ANKRD11: variants seen among roughly 807,000 people sequenced by gnomAD.
The protein encoded by ANKRD11 is ankyrin repeat domain 11.
Under a neutral mutation model 195.7 loss-of-function variants are expected in ANKRD11, and 17 were observed. The observed-to-expected ratio is 0.09, with a 90% CI of 0.06 to 0.13. The LOEUF is 0.13. ANKRD11 is among the 10% of genes least tolerant of loss of function. The pLI is 1.00. For missense variants in ANKRD11, 3,735 were observed against 3,566.1 expected (o/e 1.05, Z -1.21); for synonymous variants, 1,953 against 1,528.1 (o/e 1.28, Z -6.49).
intron 2 of ANKRD11, among the ~76,000 whole-genome samples, chr16:89,335,235 G>A (rs936010352): frequency 1.3e-5 from 2 of 152,102 alleles, no homozygotes; most frequent in South Asian, 2.1e-4. Context: ...GCTGGGAGAC[G>A]CGGGTGACAG....
chr16:89,375,292 T>G (rs889125542), intron 2 of ANKRD11, among the ~76,000 whole-genome samples: 1 of 152,130 alleles, frequency 6.6e-6, no homozygotes, highest in Non-Finnish European at 1.5e-5. Flanking sequence ...AGTAAACAAA[T>G]TATCTCAAGC....
At chr16:89,408,204 G>C (rs927191023) in intron 2 of ANKRD11, among the ~76,000 whole-genome samples, 2 of 152,198 alleles carry the variant, frequency 1.3e-5, no homozygotes, top group Non-Finnish European at 2.9e-5. Context: ...ACTCGGCCAA[G>C]AAACTCCCTG....
At chr16:89,370,824 C>G (rs2040160732) in intron 2 of ANKRD11, 1 of 152,634 alleles carries the variant, frequency 6.6e-6, no homozygotes, top group Non-Finnish European at 1.5e-5. Context: ...AGACGACCCC[C>G]AGGCCGGCTC....
Position 89,281,300 on chromosome 16 carries a change from C to G in ANKRD11, c.5242G>C (p.Val1748Leu). The G allele has an allele frequency of 1.2e-6, 2 of 1,614,128 alleles. No homozygotes were observed. Among genetic ancestry groups the G allele is most frequent in the South Asian group, 1.1e-5 (1 of 91,080 alleles). Reference protein sequence around the residue: ...DCADSQHSTPVPTAPTSACSP... With the variant: ...DCADSQHSTPLPTAPTSACSP... Reference sequence around the variant, plus strand: ...CAGGCGCTGGTGGGAGCGGTGGGCACGGGCGTGGAGTGCTGCGAGTCGGCG... The same window carrying G: ...CAGGCGCTGGTGGGAGCGGTGGGCAGGGGCGTGGAGTGCTGCGAGTCGGCG... Residue 1748 changes from valine to leucine, a missense_variant, in exon 9 of 13, where the codon GTG becomes CTG. Transcript: ENST00000301030. The surrounding 1 kb of genome is among the most constrained non-coding windows in gnomAD (Gnocchi z 5.5).
rs754695851 is a variant in ANKRD11, at chr16:89,281,259, G to A, written c.5283C>T (p.Phe1761=). Residue 1761 remains phenylalanine, a synonymous_variant, in exon 9 of 13, where the codon TTC becomes TTT. Coordinates refer to ENST00000301030, the MANE Select transcript of ANKRD11 (RefSeq NM_013275.6). The surrounding 1 kb of genome is among the most constrained non-coding windows in gnomAD (Gnocchi z 5.5). ...CACTTGAAGCCACGGAGAACCTGTC[G>A]AAAAAGGAGGGGGAGCAGGCGCTGG... ...APTSACSPSF[F]DRFSVASSGL... is the part of the protein sequence containing the mutation. 9.3e-6 allele frequency: 15 copies of A among 1,614,080 alleles called. No homozygotes were observed. Among genetic ancestry groups the A allele is most frequent in the East Asian group, 6.7e-5 (3 of 44,894 alleles).
At chr16:89,452,958 A>G (rs1427199286) in intron 1 of ANKRD11, among the ~76,000 whole-genome samples, 2 of 151,874 alleles carry the variant, frequency 1.3e-5, no homozygotes, top group Non-Finnish European at 2.9e-5. Flanking sequence ...CTTTTATTTT[A>G]TTTTCTAAAT....
chr16:89,449,013 C>G (rs1241332086), intron 1 of ANKRD11, among the ~76,000 whole-genome samples: 1 of 152,140 alleles, frequency 6.6e-6, no homozygotes, highest in African/African-American at 2.4e-5. Context: ...TTCTTTGCTA[C>G]TTCAAATCAC....
Position 89,281,262 on chromosome 16 carries a change from A to G in ANKRD11, c.5280T>C (p.Phe1760=). The change falls in exon 9 of 13, where the codon TTT becomes TTC. Residue 1760 remains phenylalanine (F), a synonymous_variant. Coordinates refer to ENST00000301030, the MANE Select transcript of ANKRD11 (RefSeq NM_013275.6). This position sits in a 1 kb window ranked among gnomAD's most constrained non-coding sequence, Gnocchi z 5.5. ...TTGAAGCCACGGAGAACCTGTCGAA[A>G]AAGGAGGGGGAGCAGGCGCTGGTGG... is the stretch of plus-strand genomic sequence containing the variant. ...TAPTSACSPS[F]FDRFSVASSG... is the part of the protein sequence containing the mutation. The G allele has an allele frequency of 1.2e-6, 2 of 1,614,134 alleles. No homozygotes were observed. The highest frequency in any genetic ancestry group is 1.7e-5 in the Admixed American group (1 of 60,028).
intron 1 of ANKRD11, among the ~76,000 whole-genome samples, chr16:89,472,554 C>T (rs754003250): frequency 1.5e-4 from 23 of 152,216 alleles, no homozygotes; most frequent in Non-Finnish European, 2.8e-4. Context: ...AGCTCTTGCT[C>T]TGTCCCCCAG....
chr16:89,408,187 T>C (rs1330254015), intron 2 of ANKRD11, among the ~76,000 whole-genome samples: 2 of 152,260 alleles, frequency 1.3e-5, no homozygotes, highest in Non-Finnish European at 1.5e-5. Flanking sequence ...ACTGGATGCA[T>C]ACAGATACTC....
chr16:89,394,629 CAA>C (rs36087767), intron 2 of ANKRD11, among the ~76,000 whole-genome samples: 28 of 140,244 alleles, frequency 2.0e-4, no homozygotes, highest in Non-Finnish European at 2.3e-4. Context: ...ACTCTGTCTC[CAA>C]AAAAAAAAAA....
chr16:89,484,773 A>C (rs2057549883), intron 1 of ANKRD11, among the ~76,000 whole-genome samples: 1 of 152,224 alleles, frequency 6.6e-6, no homozygotes, highest in Admixed American at 6.5e-5. Flanking sequence ...TACCATGACA[A>C]AAGAAATTTT....
chr16:89,295,377 A>G (rs1358776560), intron 4 of ANKRD11, among the ~76,000 whole-genome samples: 2 of 152,024 alleles, frequency 1.3e-5, no homozygotes, highest in African/African-American at 4.8e-5. Context: ...CACCCACCTC[A>G]TCTTTAAGAA....
chr16:89,484,407 C>A (rs772010264), intron 1 of ANKRD11, among the ~76,000 whole-genome samples: 2 of 152,178 alleles, frequency 1.3e-5, no homozygotes, highest in Non-Finnish European at 2.9e-5. Flanking sequence ...CAGAATTAAA[C>A]CAAAGTCTTC....
chr16:89,287,101 T>TC, intron 7 of ANKRD11: 1 of 1,289,808 alleles, frequency 7.8e-7, no homozygotes, highest in Non-Finnish European at 1.0e-6. Context: ...CTTCCTTTCC[T>TC]CCATCATGGG....
At chr16:89,271,421 G>A (rs2033144058) in intron 11 of ANKRD11, 1 of 228,652 alleles carries the variant, frequency 4.4e-6, no homozygotes, top group Non-Finnish European at 8.8e-6. Context: ...TTTTAGTAGA[G>A]ACGGGGTTTC....
chr16:89,331,463 G>A (rs1200193581), intron 2 of ANKRD11, among the ~76,000 whole-genome samples: 1 of 152,136 alleles, frequency 6.6e-6, no homozygotes, highest in African/African-American at 2.4e-5. Flanking sequence ...AGACTTAAAA[G>A]ACATCAAAGA....
At chr16:89,424,665 T>C (rs1346153046) in intron 1 of ANKRD11, among the ~76,000 whole-genome samples, 2 of 152,162 alleles carry the variant, frequency 1.3e-5, no homozygotes, top group Non-Finnish European at 2.9e-5. Flanking sequence ...TCCATTTATA[T>C]GACACTCTTA....
chr16:89,281,872 G>A lies in ANKRD11; in HGVS notation c.4670C>T (p.Pro1557Leu), dbSNP rs371945379. 44 of 1,613,770 alleles carry A rather than the reference G, an allele frequency of 2.7e-5. No homozygotes were observed. Among genetic ancestry groups the A allele is most frequent in the Middle Eastern group, 1.6e-4 (1 of 6,084 alleles). Residue 1557 changes from proline to leucine, a missense_variant, in exon 9 of 13, where the codon CCA (proline) becomes CTA (leucine). Transcript: ENST00000301030. This position sits in a 1 kb window ranked among gnomAD's most constrained non-coding sequence, Gnocchi z 5.5. ...KMSNGNDKVA[P>L]SKDPGKKDAR... The stretch of plus-strand genomic sequence containing the variant: ...GTCTTTCTTGCCTGGGTCTTTGGAT[G>A]GCGCTACCTTATCATTCCCGTTGCT...
Sources: gnomAD v4.1 joint callset for allele counts (sites outside exome capture counted in the v4.1 genomes callset) on GRCh38, gnomAD v4.1.1 for gene constraint, Gnocchi (gnomAD v3.1) non-coding constraint, MANE v1.5 for transcripts, NCBI Gene and HGNC (gene_info 2026-07-23, HGNC 2026-07-21) for gene names.